Variants in HIVEP3 observed in about 807,000 individuals in gnomAD.
The protein encoded by HIVEP3 is HIVEP zinc finger 3, also known as transcription factor HIVEP3.
Under a neutral mutation model 152.8 loss-of-function variants are expected in HIVEP3, and 49 were observed. The ratio of observed to expected loss-of-function variants is 0.32; its 90% CI spans 0.26 to 0.41. HIVEP3 has a LOEUF of 0.41. HIVEP3 is among the 10% of genes least tolerant of loss of function. HIVEP3 has a pLI of 1.00. For synonymous variants in HIVEP3, 1,269 were observed against 1,289.0 expected (o/e 0.98, Z 0.33); for missense variants, 2,790 against 3,103.3 (o/e 0.90, Z 2.40).
upstream of HIVEP3, among the ~76,000 whole-genome samples, chr1:41,919,398 A>G (rs552601216): frequency 6.6e-6 from 1 of 152,332 alleles, no homozygotes; most frequent in Admixed American, 6.5e-5. Flanking sequence ...AGAGCTCAAC[A>G]CGGGCACTCC....
chr1:41,825,237 G>A lies in HIVEP3; in HGVS notation c.-801+93176C>T, dbSNP rs575168831. Among the ~76,000 whole-genome samples, 6 of 152,192 alleles carry A rather than the reference G, an allele frequency of 3.9e-5. No homozygotes were observed. The East Asian group carries it at 7.7e-4, about 20-fold the overall frequency. On this transcript the variant is annotated intron_variant, in intron 1 of 8. Coordinates refer to ENST00000372583, the MANE Select transcript of HIVEP3 (RefSeq NM_024503.5). Reference sequence around the variant, plus strand: ...ACAAAGTACATTCTCAAGGCGGGAGGATGTTACAAAGTACATTCACGAGGG... The same window carrying A: ...ACAAAGTACATTCTCAAGGCGGGAGAATGTTACAAAGTACATTCACGAGGG...
chr1:41,958,184 A>G (rs958249161), intron 1 of HIVEP3, among the ~76,000 whole-genome samples: 4 of 152,212 alleles, frequency 2.6e-5, no homozygotes, highest in African/African-American at 9.6e-5. Flanking sequence ...CTGCAATACA[A>G]GCAGCCTTGC....
At chr1:41,561,540 G>T (rs1237062470) in intron 5 of HIVEP3, among the ~76,000 whole-genome samples, 2 of 151,644 alleles carry the variant, frequency 1.3e-5, no homozygotes, top group Non-Finnish European at 2.9e-5. Flanking sequence ...TTTGAGACAG[G>T]GTATCACTGT....
chr1:41,849,445 C>T (rs1227314660), intron 1 of HIVEP3, among the ~76,000 whole-genome samples: 1 of 152,138 alleles, frequency 6.6e-6, no homozygotes, highest in African/African-American at 2.4e-5. Context: ...TGGAAGCAGC[C>T]TGCCTCCTTG....
At chr1:41,640,496 A>G (rs1376202920) in intron 2 of HIVEP3, among the ~76,000 whole-genome samples, 1 of 152,154 alleles carries the variant, frequency 6.6e-6, no homozygotes, top group African/African-American at 2.4e-5. Context: ...GTGACCTTGG[A>G]CAAGACACTC....
chr1:41,882,759 A>G (rs113198265), intron 1 of HIVEP3, among the ~76,000 whole-genome samples: 69 of 152,244 alleles, frequency 4.5e-4, no homozygotes, highest in African/African-American at 1.3e-3. Flanking sequence ...TGTTCAAGAA[A>G]TATCTGTTGA....
chr1:42,035,792 C>A (rs1229513052), intron 1 of HIVEP3: 1 of 151,384 alleles, frequency 6.6e-6, no homozygotes, highest in Non-Finnish European at 1.5e-5. Flanking sequence ...GCTCGGCAGC[C>A]GCGGCCAGCC....
At chr1:41,714,238 G>A (rs1276744092) in intron 1 of HIVEP3, among the ~76,000 whole-genome samples, 1 of 152,186 alleles carries the variant, frequency 6.6e-6, no homozygotes, top group Non-Finnish European at 1.5e-5. Flanking sequence ...GCAGTGGGGA[G>A]CAAGGGATGG....
At chr1:41,628,136 T>C (rs558619137) in intron 3 of HIVEP3, among the ~76,000 whole-genome samples, 2 of 152,172 alleles carry the variant, frequency 1.3e-5, no homozygotes, top group African/African-American at 2.4e-5. Flanking sequence ...CCAGGCTCAT[T>C]TGATCACTAT....
At chr1:41,771,417 G>A (rs977618435) in intron 1 of HIVEP3, among the ~76,000 whole-genome samples, 6 of 152,124 alleles carry the variant, frequency 3.9e-5, no homozygotes, top group Non-Finnish European at 8.8e-5. Context: ...TTAAACTTTA[G>A]CCAAATTAAA....
chr1:41,526,408 C>A (rs1642912204), intron 5 of HIVEP3, among the ~76,000 whole-genome samples: 2 of 138,352 alleles, frequency 1.4e-5, no homozygotes. Context: ...GCCCACACCC[C>A]CACACTCACC....
intron 1 of HIVEP3, among the ~76,000 whole-genome samples, chr1:41,888,037 CTTTT>C: frequency 8.2e-6 from 1 of 121,296 alleles, no homozygotes. Context: ...CCCAGCTGAA[CTTTT>C]TTTTTTTTTT....
chr1:41,672,462 C>T (rs149477815), intron 2 of HIVEP3, among the ~76,000 whole-genome samples: 191 of 152,356 alleles, frequency 1.3e-3, no homozygotes, highest in Middle Eastern at 0.01. Flanking sequence ...AATGACTCTG[C>T]AGTCCCACGT....
intron 1 of HIVEP3, among the ~76,000 whole-genome samples, chr1:41,717,071 C>T (rs537685255): frequency 6.6e-6 from 1 of 152,168 alleles, no homozygotes; most frequent in Non-Finnish European, 1.5e-5. Context: ...TCTGAGGGCA[C>T]GCAGTTGTGA....
intron 5 of HIVEP3, among the ~76,000 whole-genome samples, chr1:41,529,141 T>A (rs1355284808): frequency 6.1e-5 from 2 of 33,040 alleles, no homozygotes; most frequent in South Asian, 1.4e-3. Flanking sequence ...CAACTCACCC[T>A]CACACACACC....
chr1:41,912,136 T>C (rs189893184), intron 1 of HIVEP3, among the ~76,000 whole-genome samples: 15 of 152,042 alleles, frequency 9.9e-5, no homozygotes, highest in Admixed American at 6.6e-5. Flanking sequence ...AAGAAAAGCA[T>C]AGGGGAATAA....
At chr1:41,942,178 C>A (rs1304984884) in intron 1 of HIVEP3, among the ~76,000 whole-genome samples, 1 of 152,198 alleles carries the variant, frequency 6.6e-6, no homozygotes, top group Non-Finnish European at 1.5e-5. Flanking sequence ...CAACCACCAT[C>A]TTTATGTGGA....
chr1:41,649,255 T>A (rs1645508398), intron 2 of HIVEP3, among the ~76,000 whole-genome samples: 1 of 152,162 alleles, frequency 6.6e-6, no homozygotes, highest in African/African-American at 2.4e-5. Flanking sequence ...TGAATTGAAA[T>A]GAGGTAACAC....
At chr1:41,911,850 T>C (rs1644801531) in intron 1 of HIVEP3, among the ~76,000 whole-genome samples, 1 of 152,148 alleles carries the variant, frequency 6.6e-6, no homozygotes, top group Non-Finnish European at 1.5e-5. Context: ...CCCCCTGCCA[T>C]GCCAGGTGTA....
Sources: gnomAD v4.1 joint callset for allele counts (sites outside exome capture counted in the v4.1 genomes callset) on GRCh38, gnomAD v4.1.1 for gene constraint, MANE v1.5 for transcripts, NCBI Gene and HGNC (gene_info 2026-07-23, HGNC 2026-07-21) for gene names.